KHDRBS2: variants seen among roughly 807,000 people sequenced by gnomAD.
The protein encoded by KHDRBS2 is KH RNA binding domain containing, signal transduction associated 2.
A neutral mutation model predicts 44.3 loss-of-function variants in KHDRBS2; 26 were observed. The ratio of observed to expected loss-of-function variants is 0.59; its 90% CI spans 0.43 to 0.81. The LOEUF is 0.81. Ranked by LOEUF, KHDRBS2 falls within the 40% of genes least tolerant of loss-of-function variation. KHDRBS2 has a pLI of 0.00. For synonymous variants in KHDRBS2, 194 were observed against 151.1 expected, an observed-to-expected ratio of 1.28 and a Z score of -2.08; for missense variants, 476 against 433.1, an observed-to-expected ratio of 1.10 and a Z score of -0.88.
the KHDRBS2 span, among the ~76,000 whole-genome samples, chr6:61,607,519 GCAAAAAA>G: frequency 3.0e-4 from 7 of 23,320 alleles, no homozygotes; most frequent in African/African-American, 9.3e-4. Flanking sequence ...TGAGTTCCAA[GCAAAAAA>G]AAAAAAAAAA....
chr6:62,055,145 C>T (rs1216564958), intron 2 of KHDRBS2, among the ~76,000 whole-genome samples: 1 of 151,786 alleles, frequency 6.6e-6, no homozygotes, highest in Non-Finnish European at 1.5e-5. Context: ...TGAAAATGCA[C>T]CACAAAGTAG....
At chr6:62,268,184 C>A (rs1208197445) in intron 1 of KHDRBS2, among the ~76,000 whole-genome samples, 1 of 152,006 alleles carries the variant, frequency 6.6e-6, no homozygotes, top group East Asian at 1.9e-4. Flanking sequence ...TATACAGGTT[C>A]ATTTGCTTTT....
intron 3 of KHDRBS2, among the ~76,000 whole-genome samples, chr6:62,032,369 C>G (rs777308331): frequency 1.3e-5 from 2 of 151,866 alleles, no homozygotes; most frequent in Non-Finnish European, 2.9e-5. Context: ...TAGACTGTAT[C>G]CTTCTCCCAT....
At chr6:62,136,805 C>A (rs184813263) in intron 2 of KHDRBS2, among the ~76,000 whole-genome samples, 220 of 152,168 alleles carry the variant, frequency 1.4e-3, no homozygotes, top group Admixed American at 2.9e-3. Flanking sequence ...ACACAGCCAT[C>A]CATACTTTTC....
intron 1 of KHDRBS2, among the ~76,000 whole-genome samples, chr6:62,178,280 C>T (rs546072896): frequency 2.0e-5 from 3 of 151,474 alleles, no homozygotes; most frequent in Non-Finnish European, 3.0e-5. Context: ...TGATGAAAAC[C>T]AAGCTTTGCT....
At chr6:62,275,495 G>A (rs1158962994) in intron 1 of KHDRBS2, among the ~76,000 whole-genome samples, 1 of 152,106 alleles carries the variant, frequency 6.6e-6, no homozygotes, top group African/African-American at 2.4e-5. Flanking sequence ...CATGGTAAAT[G>A]TATTCTATTA....
chr6:61,668,041 T>C, the KHDRBS2 span, among the ~76,000 whole-genome samples: 1 of 151,082 alleles, frequency 6.6e-6, no homozygotes, highest in Non-Finnish European at 1.5e-5. Flanking sequence ...TTAATCTAAA[T>C]ATAACAAATA....
At chr6:61,923,023 A>T (rs972552419) in intron 4 of KHDRBS2, among the ~76,000 whole-genome samples, 5 of 152,140 alleles carry the variant, frequency 3.3e-5, no homozygotes, top group Non-Finnish European at 5.9e-5. Context: ...ACATTAAAAC[A>T]GTTATGATAA....
At chr6:61,807,997 T>C (rs901750161) in intron 6 of KHDRBS2, among the ~76,000 whole-genome samples, 56 of 152,192 alleles carry the variant, frequency 3.7e-4, no homozygotes, top group African/African-American at 1.3e-3. Context: ...ACAAATTAAA[T>C]ACTTTTTCAG....
chr6:61,876,310 A>G (rs1314729415), intron 6 of KHDRBS2, among the ~76,000 whole-genome samples: 2 of 152,070 alleles, frequency 1.3e-5, no homozygotes, highest in African/African-American at 2.4e-5. Flanking sequence ...TGTCAAAAGC[A>G]TGAAGGCTAA....
chr6:61,555,721 G>A, the KHDRBS2 span, among the ~76,000 whole-genome samples: 1 of 152,142 alleles, frequency 6.6e-6, no homozygotes, highest in African/African-American at 2.4e-5. Flanking sequence ...GCCCTTAGGG[G>A]TTTGATTGTC....
intron 6 of KHDRBS2, among the ~76,000 whole-genome samples, chr6:61,893,088 G>A (rs1444444029): frequency 6.6e-6 from 1 of 152,140 alleles, no homozygotes; most frequent in Non-Finnish European, 1.5e-5. Context: ...AGTGGGCAAA[G>A]GATATGAACA....
At chr6:61,790,033 G>C (rs1413460829) in intron 6 of KHDRBS2, among the ~76,000 whole-genome samples, 1 of 151,346 alleles carries the variant, frequency 6.6e-6, no homozygotes, top group African/African-American at 2.4e-5. Flanking sequence ...ATGTTGGTTT[G>C]GGTGCTAGTG....
chr6:61,936,757 C>T (rs113650742), intron 4 of KHDRBS2, among the ~76,000 whole-genome samples: 1,635 of 152,010 alleles, frequency 0.011, 14 homozygotes, highest in Middle Eastern at 0.021. Flanking sequence ...TATTTCCTGT[C>T]AGTGCTTTGG....
At chr6:61,768,834 C>CT (rs1317283254) in intron 6 of KHDRBS2, among the ~76,000 whole-genome samples, 1 of 151,920 alleles carries the variant, frequency 6.6e-6, no homozygotes, top group Non-Finnish European at 1.5e-5. Context: ...TATAAAAGTG[C>CT]TTTTTTGTGT....
intron 6 of KHDRBS2, among the ~76,000 whole-genome samples, chr6:61,782,654 A>T (rs1209499574): frequency 6.9e-6 from 1 of 144,556 alleles, no homozygotes; most frequent in African/African-American, 2.5e-5. Context: ...TATAACAATA[A>T]GTATGCATTT....
At chr6:62,216,187 T>C (rs1829949893) in intron 1 of KHDRBS2, among the ~76,000 whole-genome samples, 1 of 151,694 alleles carries the variant, frequency 6.6e-6, no homozygotes, top group Non-Finnish European at 1.5e-5. Context: ...TACATTTAAA[T>C]TCCCAATAAA....
At chr6:61,759,830 G>C (rs1779018196) in intron 6 of KHDRBS2, among the ~76,000 whole-genome samples, 1 of 152,140 alleles carries the variant, frequency 6.6e-6, no homozygotes, top group African/African-American at 2.4e-5. Context: ...CAGCCTAAAG[G>C]AGCCAGAATG....
intron 6 of KHDRBS2, among the ~76,000 whole-genome samples, chr6:61,826,623 CT>C (rs1229437003): frequency 6.6e-6 from 1 of 152,072 alleles, no homozygotes; most frequent in Non-Finnish European, 1.5e-5. Flanking sequence ...TGCTAGCAAC[CT>C]GCCCCATACA....
Sources: gnomAD v4.1 joint callset for allele counts (sites outside exome capture counted in the v4.1 genomes callset) on GRCh38, gnomAD v4.1.1 for gene constraint, MANE v1.5 for transcripts, NCBI Gene and HGNC (gene_info 2026-07-23, HGNC 2026-07-21) for gene names.